SLC23A2: variants seen among roughly 807,000 people sequenced by gnomAD.
SLC23A2 encodes the protein solute carrier family 23 member 2, also known as Na(+)/L-ascorbic acid transporter 2.
SLC23A2 carries 36 observed loss-of-function variants against 73.3 expected under a neutral mutation model. That is an observed-to-expected ratio of 0.49 (90% CI 0.38 to 0.65). The LOEUF is 0.65. Ranked by LOEUF, SLC23A2 falls within the 30% of genes least tolerant of loss-of-function variation. The pLI is 0.00. For synonymous variants in SLC23A2, 343 were observed against 327.3 expected, an observed-to-expected ratio of 1.05 and a Z score of -0.52; for missense variants, 507 against 841.6, an observed-to-expected ratio of 0.60 and a Z score of 4.92.
chr20:4,887,471 T>C (rs1931147757), intron 6 of SLC23A2, among the ~76,000 whole-genome samples: 1 of 152,336 alleles, frequency 6.6e-6, no homozygotes, highest in African/African-American at 2.4e-5. Flanking sequence ...CTTAGGAATG[T>C]GGCCATCACA....
chr20:4,942,130 C>CATCT (rs1374488005), intron 2 of SLC23A2, among the ~76,000 whole-genome samples: 3 of 152,176 alleles, frequency 2.0e-5, no homozygotes, highest in Non-Finnish European at 2.9e-5. Flanking sequence ...CCCCTTACAG[C>CATCT]ATCTACCCCC....
intron 12 of SLC23A2, 114 bp downstream of exon 12, chr20:4,869,792 G>T: frequency 1.1e-6 from 1 of 899,948 alleles, no homozygotes; most frequent in Non-Finnish European, 1.7e-6. Context: ...GAGTCCTGCT[G>T]CTTGGCTGGG....
At chr20:4,943,470 C>A (rs2087073608) in intron 2 of SLC23A2, among the ~76,000 whole-genome samples, 1 of 151,490 alleles carries the variant, frequency 6.6e-6, no homozygotes, top group Admixed American at 6.6e-5. Flanking sequence ...GAGTTCAAGA[C>A]CAGCCTGGGC....
chr20:4,861,135 T>A (rs1426991254), intron 15 of SLC23A2, among the ~76,000 whole-genome samples: 2 of 152,204 alleles, frequency 1.3e-5, no homozygotes. Flanking sequence ...AAAAGCCACA[T>A]ATTATGACTC....
intron 3 of SLC23A2, among the ~76,000 whole-genome samples, chr20:4,914,979 G>A (rs1292649531): frequency 6.6e-6 from 1 of 152,146 alleles, no homozygotes; most frequent in Non-Finnish European, 1.5e-5. Flanking sequence ...GGTGGGGGTT[G>A]CACTCCAGCC....
intron 3 of SLC23A2, among the ~76,000 whole-genome samples, chr20:4,919,467 A>G (rs914186790): frequency 2.6e-5 from 4 of 152,350 alleles, no homozygotes; most frequent in Non-Finnish European, 5.9e-5. Context: ...AAGAGGAGCC[A>G]GAAGGAGCCT....
At chr20:4,964,192 C>G (rs6052993) in intron 2 of SLC23A2, among the ~76,000 whole-genome samples, 60,697 of 151,438 alleles carry the variant, frequency 0.4, 12,429 homozygotes, top group Admixed American at 0.48. Flanking sequence ...ATGGGGTCTC[C>G]CCACGTTGCC....
chr20:4,872,198 A>G lies in SLC23A2; in HGVS notation c.1102+1738T>C, dbSNP rs1355760820. Among the ~76,000 whole-genome samples, 1 of 152,190 alleles carries G rather than the reference A, an allele frequency of 6.6e-6. No individual in the cohort carries two copies. The highest frequency in any genetic ancestry group is 1.5e-5 in the Non-Finnish European group (1 of 68,034). On this transcript the variant is annotated intron_variant, in intron 11 of 16. Transcript: ENST00000338244. This position sits in a 1 kb window ranked among gnomAD's most constrained non-coding sequence, Gnocchi z 4.4. ...GTCCAGACCATGCCTAGTGTACTAA[A>G]GACTGAAAAGCACTGCTCAGGTATT...
rs10684173 is a variant in SLC23A2 at position 4,968,724 on chromosome 20, C to CT, written c.-155+2068dup. On this transcript the variant is annotated intron_variant, in intron 2 of 16. Coordinates refer to ENST00000338244, the MANE Select transcript of SLC23A2 (RefSeq NM_005116.6). ...TAAAAAGGTCAGGATGTGTATTTTTCTTTTTTTTTTTTGAGACGACGTCTG... is the reference window on the plus strand; with the variant it reads ...TAAAAAGGTCAGGATGTGTATTTTTCTTTTTTTTTTTTTGAGACGACGTCTG... Among the ~76,000 whole-genome samples, 589 of 147,000 alleles carry CT rather than the reference C, an allele frequency of 4.0e-3. 8 individuals carry two copies. Among genetic ancestry groups the CT allele is most frequent in the East Asian group, 0.017 (87 of 4,994 alleles).
Position 4,902,368 on chromosome 20 carries a change from T to TA in SLC23A2, c.324+73_324+74insT. ...TCAATAAACAAAAACCAAAGTGGAATTTTTAAACAATTCCAGATGGTAGAC... is the reference window on the plus strand; with the variant it reads ...TCAATAAACAAAAACCAAAGTGGAATATTTTAAACAATTCCAGATGGTAGAC... On this transcript the variant is annotated intron_variant, in intron 5 of 16. Transcript: ENST00000338244. This position sits in a 1 kb window ranked among gnomAD's most constrained non-coding sequence, Gnocchi z 4.0. 1 of 859,824 alleles carries TA rather than the reference T, an allele frequency of 1.2e-6. No individual in the cohort carries two copies. Among genetic ancestry groups the TA allele is most frequent in the South Asian group, 1.6e-5 (1 of 60,668 alleles). The allele number at this position is 859,824 out of a possible 1,614,324, so 53.3% of individuals were successfully genotyped here.
At position 4,872,224 on chromosome 20, in the gene SLC23A2, C is replaced by T. The variant is rs929875867; in HGVS notation, c.1102+1712G>A. 1.3e-5 allele frequency among the ~76,000 whole-genome samples: 2 copies of T among 152,166 alleles called. No individual in the cohort carries two copies. The highest frequency in any genetic ancestry group is 2.4e-5 in the African/African-American group (1 of 41,432). On this transcript the variant is annotated intron_variant, in intron 11 of 16. Coordinates refer to ENST00000338244, the MANE Select transcript of SLC23A2 (RefSeq NM_005116.6). The surrounding 1 kb of genome is among the most constrained non-coding windows in gnomAD (Gnocchi z 4.4). ...GACTGAAAAGCACTGCTCAGGTATT[C>T]AAAAGCCCCTCTCTGGCTTGAGACA...
intron 2 of SLC23A2, among the ~76,000 whole-genome samples, chr20:4,940,506 C>T (rs1172002817): frequency 6.6e-6 from 1 of 151,660 alleles, no homozygotes; most frequent in Non-Finnish European, 1.5e-5. Flanking sequence ...GGCAGCACTT[C>T]AAATCATAAA....
chr20:5,005,156 A>G (rs1185938508), upstream of SLC23A2, among the ~76,000 whole-genome samples: 1 of 151,756 alleles, frequency 6.6e-6, no homozygotes, highest in African/African-American at 2.4e-5. Context: ...ACTGCTGACA[A>G]ACTGGCTTTG....
intron 2 of SLC23A2, among the ~76,000 whole-genome samples, chr20:4,969,771 A>ATCG (rs1052048707): frequency 3.9e-5 from 6 of 152,096 alleles, no homozygotes; most frequent in African/African-American, 9.7e-5. Flanking sequence ...GAGAGAATGT[A>ATCG]TCGGCAGATG....
At chr20:4,866,891 G>A (rs902071474) in intron 13 of SLC23A2, among the ~76,000 whole-genome samples, 7 of 151,868 alleles carry the variant, frequency 4.6e-5, no homozygotes, top group Non-Finnish European at 8.8e-5. Context: ...GTAGGCCATC[G>A]AGGATGGTGA....
chr20:4,997,971 G>T (rs1346015697), intron 1 of SLC23A2, among the ~76,000 whole-genome samples: 2 of 152,004 alleles, frequency 1.3e-5, no homozygotes, highest in East Asian at 3.9e-4. Context: ...TCATCAAGAG[G>T]ATGGCCACCT....
intron 1 of SLC23A2, among the ~76,000 whole-genome samples, chr20:5,009,793 A>C (rs1158443497): frequency 6.6e-6 from 1 of 152,142 alleles, no homozygotes; most frequent in African/African-American, 2.4e-5. Context: ...GGATATATAG[A>C]GGGATATATA....
At chr20:4,964,838 A>C (rs549263077) in intron 2 of SLC23A2, among the ~76,000 whole-genome samples, 99 of 151,678 alleles carry the variant, frequency 6.5e-4, no homozygotes, top group African/African-American at 2.3e-3. Context: ...GTCTCAAAAA[A>C]AAAAAAAAGA....
intron 2 of SLC23A2, among the ~76,000 whole-genome samples, chr20:4,940,148 T>G (rs762274814): frequency 1.2e-4 from 18 of 151,926 alleles, no homozygotes; most frequent in Non-Finnish European, 2.2e-4. Flanking sequence ...CAAAACCCTA[T>G]CTCTACCAAA....
Sources: allele counts gnomAD v4.1 joint callset (sites outside exome capture counted in the v4.1 genomes callset), GRCh38; gene constraint gnomAD v4.1.1; non-coding constraint Gnocchi (gnomAD v3.1); transcripts MANE v1.5; gene names NCBI Gene and HGNC (gene_info 2026-07-23, HGNC 2026-07-21).